CCSER1: variants seen among roughly 807,000 people sequenced by gnomAD.
The protein encoded by CCSER1 is serine-rich coiled-coil domain-containing protein 1.
A neutral mutation model predicts 82.0 loss-of-function variants in CCSER1; 41 were observed. The ratio of observed to expected loss-of-function variants is 0.50; its 90% CI spans 0.39 to 0.65. The LOEUF (loss-of-function observed/expected upper bound fraction) is 0.65. CCSER1 is among the 30% of genes least tolerant of loss of function. CCSER1 has a pLI of 0.00. For missense variants in CCSER1, 1,119 were observed against 1,064.2 expected, an observed-to-expected ratio of 1.05 and a Z score of -0.72; for synonymous variants, 414 against 383.9, an observed-to-expected ratio of 1.08 and a Z score of -0.92.
intron 3 of CCSER1, among the ~76,000 whole-genome samples, chr4:90,328,515 TA>T (rs1181560757): frequency 1.3e-5 from 2 of 152,208 alleles, no homozygotes; most frequent in African/African-American, 4.8e-5. Context: ...AGAAATGTAA[TA>T]CATTGTAATA....
intron 7 of CCSER1, among the ~76,000 whole-genome samples, chr4:90,758,877 G>T (rs980398437): frequency 1.3e-5 from 2 of 152,142 alleles, no homozygotes; most frequent in Non-Finnish European, 2.9e-5. Flanking sequence ...ATATCTCATG[G>T]TGATGGCTAA....
At chr4:91,585,515 T>C (rs550807872) in intron 10 of CCSER1, among the ~76,000 whole-genome samples, 1 of 151,620 alleles carries the variant, frequency 6.6e-6, no homozygotes, top group South Asian at 2.1e-4. Flanking sequence ...TATGTATGTA[T>C]ATACATACAT....
At chr4:90,819,348 G>C (rs1435862702) in intron 8 of CCSER1, among the ~76,000 whole-genome samples, 1 of 152,080 alleles carries the variant, frequency 6.6e-6, no homozygotes, top group Non-Finnish European at 1.5e-5. Context: ...TGTGGAGCAG[G>C]GGGAACAATT....
rs1764913728 is a variant in CCSER1 at position 91,605,027 on chromosome 4, G to T, written c.*5970G>T. 2.0e-5 allele frequency: 3 copies of T among 151,702 alleles called. No individual in the cohort carries two copies. In the South Asian group the frequency reaches 6.2e-4, roughly 32 times the overall value. 9.4% of individuals were successfully genotyped at this position (151,702 alleles called of 1,614,324 possible). A position where few individuals can be genotyped will look rare whatever the true frequency, so the allele number is the denominator to read the frequency against. On this transcript the variant is annotated 3_prime_UTR_variant, in exon 11 of 11. Transcript: ENST00000509176. ...TTTGAGATTATTAACATTGATAATA[G>T]TTTTTTTAATTCATCATCTCTAAAA...
chr4:90,407,851 G>A (rs1267972065), intron 4 of CCSER1, among the ~76,000 whole-genome samples: 2 of 152,164 alleles, frequency 1.3e-5, no homozygotes, highest in Non-Finnish European at 2.9e-5. Flanking sequence ...CCTCACCTGG[G>A]AAGTGCAAGG....
chr4:91,268,219 AAAG>A (rs900343943), intron 10 of CCSER1, among the ~76,000 whole-genome samples: 2 of 152,282 alleles, frequency 1.3e-5, no homozygotes, highest in Middle Eastern at 3.4e-3. Flanking sequence ...GGTAAATAAA[AAAG>A]AAGGGCATAC....
intron 6 of CCSER1, among the ~76,000 whole-genome samples, chr4:90,686,608 G>A (rs185313750): frequency 4.6e-4 from 70 of 152,156 alleles, no homozygotes; most frequent in Middle Eastern, 3.4e-3. Flanking sequence ...CCTTCTGATA[G>A]ATCAGCTTTA....
chr4:91,395,299 A>G (rs1300049762), intron 10 of CCSER1, among the ~76,000 whole-genome samples: 3 of 152,086 alleles, frequency 2.0e-5, no homozygotes, highest in African/African-American at 7.2e-5. Context: ...ACTTTGTAGT[A>G]CACCATCACC....
intron 5 of CCSER1, among the ~76,000 whole-genome samples, chr4:90,622,496 C>T (rs1035720450): frequency 6.6e-6 from 1 of 152,098 alleles, no homozygotes; most frequent in African/African-American, 2.4e-5. Context: ...TCAATTCCCA[C>T]CTATGAGTGA....
chr4:91,523,036 G>A (rs12645049), intron 10 of CCSER1, among the ~76,000 whole-genome samples: 9,865 of 152,142 alleles, frequency 0.065, 342 homozygotes, highest in Middle Eastern at 0.095. Context: ...TTATTATTTT[G>A]AGATATGTTC....
At chr4:90,257,762 G>C (rs1723606453) in intron 1 of CCSER1, among the ~76,000 whole-genome samples, 1 of 152,116 alleles carries the variant, frequency 6.6e-6, no homozygotes, top group African/African-American at 2.4e-5. Context: ...GTCTGAATCT[G>C]AGTCTGAAGA....
chr4:90,128,514 T>TGA (rs1014587961), intron 1 of CCSER1, among the ~76,000 whole-genome samples: 1 of 151,170 alleles, frequency 6.6e-6, no homozygotes, highest in Admixed American at 6.6e-5. Context: ...TGTGTGTGTG[T>TGA]GTGCGCGCGC....
intron 10 of CCSER1, among the ~76,000 whole-genome samples, chr4:91,337,940 TG>T (rs1747431986): frequency 6.6e-6 from 1 of 152,118 alleles, no homozygotes. Flanking sequence ...GCAGTGGAAG[TG>T]GGGGAAAACA....
chr4:91,339,378 G>T (rs1747540844), intron 10 of CCSER1, among the ~76,000 whole-genome samples: 1 of 151,860 alleles, frequency 6.6e-6, no homozygotes, highest in African/African-American at 2.4e-5. Context: ...GATCACTTAT[G>T]AATCTTTGTT....
chr4:90,896,595 T>C (rs1723753583), intron 8 of CCSER1, among the ~76,000 whole-genome samples: 1 of 151,960 alleles, frequency 6.6e-6, no homozygotes, highest in African/African-American at 2.4e-5. Flanking sequence ...TTTCCCTTGC[T>C]AGTAAGCCAG....
At chr4:91,141,543 G>A (rs576291957) in intron 10 of CCSER1, among the ~76,000 whole-genome samples, 17 of 152,260 alleles carry the variant, frequency 1.1e-4, no homozygotes, top group East Asian at 1.9e-4. Flanking sequence ...GAGCACCTAC[G>A]TTGATTCCAT....
chr4:90,887,529 C>T (rs55902330), intron 8 of CCSER1, among the ~76,000 whole-genome samples: 9,703 of 152,184 alleles, frequency 0.064, 367 homozygotes, highest in Non-Finnish European at 0.084. Context: ...TTCATATATT[C>T]GGGAACCTCA....
In CCSER1 at chr4:91,441,133, A is replaced by C. The variant is rs1755103407; in HGVS notation, c.2218-157439A>C. On this transcript the variant is annotated intron_variant, in intron 10 of 10. Coordinates refer to ENST00000509176, the MANE Select transcript of CCSER1 (RefSeq NM_001145065.2). Reference sequence around the variant, plus strand: ...TAACTCATTTTATGAGGCCAGGATCATCCTTATACCAAAGCCAGGCAGAGA... The same window carrying C: ...TAACTCATTTTATGAGGCCAGGATCCTCCTTATACCAAAGCCAGGCAGAGA... Among the ~76,000 whole-genome samples, 5 of 152,202 alleles carry C rather than the reference A, an allele frequency of 3.3e-5. No individual in the cohort carries two copies. The South Asian group carries it at 1.0e-3, about 31-fold the overall frequency.
chr4:91,176,246 G>T (rs549002052), intron 10 of CCSER1, among the ~76,000 whole-genome samples: 290 of 152,324 alleles, frequency 1.9e-3, no homozygotes, highest in Non-Finnish European at 3.6e-3. Flanking sequence ...ACAGTTTGAA[G>T]TCAGGTAGCG....
Sources: gnomAD v4.1 joint callset for allele counts (sites outside exome capture counted in the v4.1 genomes callset) on GRCh38, gnomAD v4.1.1 for gene constraint, MANE v1.5 for transcripts, NCBI Gene and HGNC (gene_info 2026-07-23, HGNC 2026-07-21) for gene names.